BOK: variants seen among roughly 807,000 people sequenced by gnomAD.
The protein encoded by BOK is bcl-2-related ovarian killer protein.
A neutral mutation model predicts 18.3 loss-of-function variants in BOK; 20 were observed. The observed-to-expected ratio is 1.09, with a 90% CI of 0.77 to 1.59. BOK has a LOEUF of 1.59. Ranked by LOEUF, BOK falls within the 40% of genes most tolerant of loss-of-function variation. BOK has a pLI of 0.00. For synonymous variants in BOK, 173 were observed against 142.4 expected (o/e 1.21, Z -1.53); for missense variants, 348 against 307.9 (o/e 1.13, Z -0.97).
Position 241,563,198 on chromosome 2 carries a change from C to T in BOK, c.349+722C>T, listed in dbSNP as rs1009216236. Among the ~76,000 whole-genome samples the T allele has an allele frequency of 4.9e-4, 74 of 152,218 alleles. 1 individual carries two copies. Among genetic ancestry groups the T allele is most frequent in the African/African-American group, 9.6e-5 (4 of 41,466 alleles). On this transcript the variant is annotated intron_variant, in intron 3 of 4. Transcript: ENST00000318407. ...GGCTGTCCACATGCTTCTAGGCCCA[C>T]GGGAGGCTTAGGGCTTGTCTCCCCT... is the stretch of plus-strand genomic sequence containing the variant.
rs557047393 is a variant in BOK at position 241,573,544 on chromosome 2, A to C, written c.*1122A>C. ...GGTTGCTTAATCCGTTTCTGGAGGAAGAGTATGACACCCACTTGTGATGGG... is the reference window on the plus strand; with the variant it reads ...GGTTGCTTAATCCGTTTCTGGAGGACGAGTATGACACCCACTTGTGATGGG... On this transcript the variant is annotated 3_prime_UTR_variant, in exon 5 of 5. Coordinates refer to ENST00000318407, the MANE Select transcript of BOK (RefSeq NM_032515.5). 1 of 152,530 alleles carries C rather than the reference A, an allele frequency of 6.6e-6. No homozygotes were observed. The highest frequency in any genetic ancestry group is 1.9e-4 in the East Asian group (1 of 5,188). 9.4% of individuals were successfully genotyped at this position (152,530 alleles called of 1,614,324 possible).
chr2:241,571,599 C>T (rs980963477), intron 4 of BOK, among the ~76,000 whole-genome samples: 5 of 152,304 alleles, frequency 3.3e-5, no homozygotes, highest in African/African-American at 1.2e-4. Context: ...CCAAGACTTC[C>T]GTCCCCTCCT....
At chr2:241,571,263 C>G (rs951581923) in intron 4 of BOK, among the ~76,000 whole-genome samples, 2 of 152,118 alleles carry the variant, frequency 1.3e-5, no homozygotes, top group Admixed American at 1.3e-4. Context: ...AGAGCCAAAC[C>G]CTTCCTCTGT....
chr2:241,563,811 G>C (rs2066568436), intron 3 of BOK, among the ~76,000 whole-genome samples: 1 of 152,034 alleles, frequency 6.6e-6, no homozygotes, highest in South Asian at 2.1e-4. Context: ...GCCACGGGGT[G>C]ACCCTCAGAG....
At position 241,559,515 on chromosome 2, in the gene BOK, C is replaced by T. The variant is rs758981632; in HGVS notation, c.32C>T (p.Ala11Val). 63 of 1,502,550 alleles carry T rather than the reference C, an allele frequency of 4.2e-5. 1 individual carries two copies. The highest frequency in any genetic ancestry group is 3.4e-4 in the East Asian group (12 of 35,496). The allele number at this position is 1,502,550 out of a possible 1,614,324, so 93.1% of individuals were successfully genotyped here. Reference sequence around the variant, plus strand: ...GTGCTGCGGCGCTCCTCGGTCTTCGCCGCCGAGATCATGGACGCCTTTGAC... The same window carrying T: ...GTGCTGCGGCGCTCCTCGGTCTTCGTCGCCGAGATCATGGACGCCTTTGAC... MEVLRRSSVF[A>V]AEIMDAFDRS... Residue 11 changes from alanine (A) to valine (V), a missense_variant, in exon 2 of 5, where the codon GCC becomes GTC. By Grantham distance (64) the Ala-to-Val change is moderately conservative (BLOSUM62 0). Transcript: ENST00000318407.
chr2:241,564,064 G>A (rs1157635994), intron 3 of BOK, among the ~76,000 whole-genome samples: 1 of 152,210 alleles, frequency 6.6e-6, no homozygotes, highest in Non-Finnish European at 1.5e-5. Flanking sequence ...GACAGAATCC[G>A]GCCTCTCCAG....
intron 1 of BOK, among the ~76,000 whole-genome samples, chr2:241,552,362 C>T (rs59389004): frequency 0.16 from 24,509 of 152,120 alleles, 2,436 homozygotes; most frequent in African/African-American, 0.28. Flanking sequence ...AGGCTTCCTG[C>T]GAGCCGCTTG....
chr2:241,569,663 C>T (rs919070292), intron 3 of BOK, among the ~76,000 whole-genome samples: 2 of 151,846 alleles, frequency 1.3e-5, no homozygotes, highest in African/African-American at 4.8e-5. Context: ...CCGCTGTCAC[C>T]ATCTTTCGTC....
intron 4 of BOK, 35 bp from the exon 5 acceptor site, chr2:241,572,262 C>T (rs1033504476): frequency 1.9e-6 from 3 of 1,599,336 alleles, no homozygotes; most frequent in African/African-American, 2.7e-5. Context: ...GCGGTGCTGG[C>T]TCTGCTTTCT....
At chr2:241,552,486 C>T (rs937502312) in intron 1 of BOK, among the ~76,000 whole-genome samples, 13 of 152,196 alleles carry the variant, frequency 8.5e-5, no homozygotes, top group African/African-American at 2.9e-4. Flanking sequence ...GCTCAGTACC[C>T]CTTAGGGGCT....
At position 241,572,348 on chromosome 2, in the gene BOK, T is replaced by C; in HGVS notation, c.565T>C (p.Trp189Arg). The change falls in exon 5 of 5, where the codon TGG (tryptophan) becomes CGG (arginine). Residue 189 changes from tryptophan (W) to arginine (R), a missense_variant. Physicochemically the swap from Trp to Arg is moderately radical, Grantham distance 101 (BLOSUM62 -3). Transcript: ENST00000318407. The part of the protein sequence containing the change: ...VSTDPGLRSH[W>R]LVAALCSFGR... Reference sequence around the variant, plus strand: ...CACAGACCCTGGCCTCCGCTCCCACTGGCTGGTGGCTGCACTCTGCAGCTT... The same window carrying C: ...CACAGACCCTGGCCTCCGCTCCCACCGGCTGGTGGCTGCACTCTGCAGCTT... 1 of 1,609,818 alleles carries C rather than the reference T, an allele frequency of 6.2e-7. No homozygotes were observed.
At chr2:241,571,470 A>G (rs909801148) in intron 4 of BOK, among the ~76,000 whole-genome samples, 1 of 152,068 alleles carries the variant, frequency 6.6e-6, no homozygotes, top group Non-Finnish European at 1.5e-5. Flanking sequence ...GCATCTCGAG[A>G]GATTGAGGTC....
At chr2:241,564,074 G>C (rs1187246210) in intron 3 of BOK, among the ~76,000 whole-genome samples, 4 of 152,268 alleles carry the variant, frequency 2.6e-5, no homozygotes, top group African/African-American at 9.6e-5. Flanking sequence ...GGCCTCTCCA[G>C]TGCCACGCTT....
At chr2:241,555,525 G>A (rs923516539), upstream of BOK, among the ~76,000 whole-genome samples, 3 of 152,074 alleles carry the variant, frequency 2.0e-5, no homozygotes, top group Non-Finnish European at 4.4e-5. Flanking sequence ...ACAGACATGC[G>A]CCACCACGCC....
At position 241,562,499 on chromosome 2, in the gene BOK, A is replaced by G. The variant is rs1319365481; in HGVS notation, c.349+23A>G. ...CAGGTATGCCCAGCCTGCCCGTCCC[A>G]TGGGACCTCAGGGAGGGATCCAGGG... On this transcript the variant is annotated intron_variant, in intron 3 of 4. Transcript: ENST00000318407. The surrounding 1 kb of genome is among the most constrained non-coding windows in gnomAD (Gnocchi z 4.5). 2 of 1,594,908 alleles carry G rather than the reference A, an allele frequency of 1.3e-6. No individual in the cohort carries two copies. The highest frequency in any genetic ancestry group is 1.7e-6 in the Non-Finnish European group (2 of 1,172,344).
rs1217151171 is a variant in BOK, at chr2:241,558,864, G to A, written c.-159G>A. The A allele has an allele frequency of 6.6e-6, 1 of 152,014 alleles. No individual in the cohort carries two copies. Among genetic ancestry groups the A allele is most frequent in the African/African-American group, 2.4e-5 (1 of 41,430 alleles). 9.4% of individuals were successfully genotyped at this position (152,014 alleles called of 1,614,324 possible). A position where few individuals can be genotyped will look rare whatever the true frequency, so the allele number is the denominator to read the frequency against. ...ACCTGGCGCTCCCGGCTCGGGCGTG[G>A]ACGGGGCGGGCGCCGGGGCGGGGCG... On this transcript the variant is annotated 5_prime_UTR_variant, in exon 1 of 5. Coordinates refer to ENST00000318407, the MANE Select transcript of BOK (RefSeq NM_032515.5).
In BOK at chr2:241,566,924, G is replaced by A. The variant is rs2066625659; in HGVS notation, c.350-3201G>A. On this transcript the variant is annotated intron_variant, in intron 3 of 4. Transcript: ENST00000318407. ...TGAAAATGTTCTAGAATTAGATAGA[G>A]GTGATGGTTGCACAGCTTTGTGAAT... Among the ~76,000 whole-genome samples, 2 of 134,114 alleles carry A rather than the reference G, an allele frequency of 1.5e-5. 1 individual carries two copies. The highest frequency in any genetic ancestry group is 1.5e-4 in the Admixed American group (2 of 13,306). 88.0% of individuals were successfully genotyped at this position (134,114 alleles called of 152,430 possible). A position where few individuals can be genotyped will look rare whatever the true frequency, so the allele number is the denominator to read the frequency against.
chr2:241,559,383 C>G, intron 1 of BOK, 72 bp from the exon 2 acceptor site: 1 of 1,019,340 alleles, frequency 9.8e-7, no homozygotes, highest in Non-Finnish European at 1.3e-6. Flanking sequence ...AGGGCCACGC[C>G]CAGCCCGGCG....
chr2:241,563,325 C>T (rs573311735), intron 3 of BOK, among the ~76,000 whole-genome samples: 14 of 152,318 alleles, frequency 9.2e-5, no homozygotes, highest in African/African-American at 2.2e-4. Context: ...CCCTGCAGAC[C>T]TCAGCCCCCT....
Sources: allele counts gnomAD v4.1 joint callset (sites outside exome capture counted in the v4.1 genomes callset), GRCh38; gene constraint gnomAD v4.1.1; non-coding constraint Gnocchi (gnomAD v3.1); transcripts MANE v1.5; gene names NCBI Gene and HGNC (gene_info 2026-07-23, HGNC 2026-07-21).